Variants in VWA8 observed in about 807,000 individuals in gnomAD.
VWA8 encodes the protein von Willebrand factor A domain-containing protein 8.
VWA8 carries 221 observed loss-of-function variants against 241.5 expected under a neutral mutation model. That is an observed-to-expected ratio of 0.91 (90% CI 0.82 to 1.02). VWA8 has a LOEUF of 1.02. VWA8 is among the 50% of genes least tolerant of loss of function. The pLI, the probability that VWA8 is intolerant of heterozygous loss-of-function variation, is 0.00. For synonymous variants in VWA8, 852 were observed against 827.1 expected, an observed-to-expected ratio of 1.03 and a Z score of -0.52; for missense variants, 2,322 against 2,328.7, an observed-to-expected ratio of 1.00 and a Z score of 0.06.
intron 37 of VWA8, among the ~76,000 whole-genome samples, chr13:41,617,255 A>G (rs2044626952): frequency 6.6e-6 from 1 of 152,068 alleles, no homozygotes; most frequent in Non-Finnish European, 1.5e-5. Context: ...AGTAGCTGGG[A>G]TTACAGGCAC....
chr13:41,691,245 G>A, intron 32 of VWA8, 75 bp downstream of exon 32: 4 of 1,512,048 alleles, frequency 2.6e-6, no homozygotes, highest in Non-Finnish European at 3.6e-6. Flanking sequence ...AGACAGAACA[G>A]TAAAGATGTT....
intron 4 of VWA8, among the ~76,000 whole-genome samples, chr13:41,900,547 G>T (rs1461144434): frequency 6.6e-6 from 1 of 152,146 alleles, no homozygotes; most frequent in African/African-American, 2.4e-5. Context: ...AAGTATCTAA[G>T]TCCCTGTTCT....
Position 41,960,992 on chromosome 13 carries a change from G to A in VWA8, c.24C>T (p.Leu8=), listed in dbSNP as rs1235629067. The A allele has an allele frequency of 7.1e-6, 10 of 1,401,796 alleles. No homozygotes were observed. The African/African-American group carries it at 1.2e-4, about 17-fold the overall frequency. The allele number at this position is 1,401,796 out of a possible 1,614,324, so 86.8% of individuals were successfully genotyped here. Residue 8 remains leucine, a synonymous_variant, in exon 1 of 45, where the codon CTC becomes CTT. Coordinates refer to ENST00000379310, the MANE Select transcript of VWA8 (RefSeq NM_015058.2). MQSRLLL[L]GAPGGHGGPA... is the part of the protein sequence containing the mutation. ...GGCCGCCGTGGCCTCCGGGTGCCCCGAGGAGTAGAAGCCGGGATTGCATGG... is the reference window on the plus strand; with the variant it reads ...GGCCGCCGTGGCCTCCGGGTGCCCCAAGGAGTAGAAGCCGGGATTGCATGG...
At chr13:41,749,132 A>C (rs2045633720) in intron 21 of VWA8, among the ~76,000 whole-genome samples, 1 of 152,202 alleles carries the variant, frequency 6.6e-6, no homozygotes, top group Admixed American at 6.5e-5. Flanking sequence ...TAATATCCAG[A>C]ATCTACAAAG....
At chr13:41,762,318 A>C (rs1031943811) in intron 20 of VWA8, among the ~76,000 whole-genome samples, 1 of 152,090 alleles carries the variant, frequency 6.6e-6, no homozygotes. Flanking sequence ...CAGTCCCATG[A>C]GGTAGGCATT....
chr13:41,831,500 T>C lies in VWA8; in HGVS notation c.1587-858A>G, dbSNP rs1052040757. Among the ~76,000 whole-genome samples the C allele has an allele frequency of 2.0e-5, 3 of 152,112 alleles. No homozygotes were observed. The East Asian group carries it at 5.8e-4, about 29-fold the overall frequency. On this transcript the variant is annotated intron_variant, in intron 13 of 44. Transcript: ENST00000379310. ...GTAAAATGGATGCTTATAGCTGTTC[T>C]CAATCTTGACTGTACGTTAGAATCT...
At chr13:41,926,525 T>A (rs553826864) in intron 2 of VWA8, 2 of 537,956 alleles carry the variant, frequency 3.7e-6, no homozygotes, top group Admixed American at 3.9e-5. Flanking sequence ...CAAGCAGATT[T>A]ATGAAACTGG....
chr13:41,579,839 G>GTTGT (rs1222264565), intron 42 of VWA8, among the ~76,000 whole-genome samples: 1 of 152,014 alleles, frequency 6.6e-6, no homozygotes. Flanking sequence ...ATCCATTTTG[G>GTTGT]TTGTTTTTAT....
intron 1 of VWA8, 38 bp from the exon 2 acceptor site, chr13:41,950,051 A>G (rs1306054722): frequency 7.7e-7 from 1 of 1,304,690 alleles, no homozygotes; most frequent in Non-Finnish European, 1.1e-6. Context: ...ATTATAAGAG[A>G]CAAACGAGAA....
intron 42 of VWA8, among the ~76,000 whole-genome samples, chr13:41,581,904 G>A (rs2044385451): frequency 6.6e-6 from 1 of 152,074 alleles, no homozygotes; most frequent in Admixed American, 6.5e-5. Context: ...AAAGCATGAG[G>A]AACAAATTGG....
At chr13:41,771,294 T>C (rs2045821283) in intron 20 of VWA8, among the ~76,000 whole-genome samples, 1 of 152,166 alleles carries the variant, frequency 6.6e-6, no homozygotes, top group Non-Finnish European at 1.5e-5. Flanking sequence ...AGCTAATTTT[T>C]GTATTTTTAG....
chr13:41,795,249 A>C (rs2137953224), intron 17 of VWA8, among the ~76,000 whole-genome samples: 1 of 152,352 alleles, frequency 6.6e-6, no homozygotes, highest in East Asian at 1.9e-4. Flanking sequence ...ACAATGAGGT[A>C]CCATCTCATG....
intron 29 of VWA8, among the ~76,000 whole-genome samples, chr13:41,698,305 A>G (rs1213521484): frequency 6.6e-6 from 1 of 151,952 alleles, no homozygotes; most frequent in Non-Finnish European, 1.5e-5. Context: ...TACTAGATAG[A>G]TAATAGGTAT....
At chr13:41,587,223 A>G (rs1397094063) in intron 42 of VWA8, among the ~76,000 whole-genome samples, 2 of 152,164 alleles carry the variant, frequency 1.3e-5, no homozygotes, top group Non-Finnish European at 2.9e-5. Flanking sequence ...GGGAACTGGG[A>G]TAAGGCCAGG....
At chr13:41,877,767 A>T (rs1341144767) in intron 9 of VWA8, among the ~76,000 whole-genome samples, 1 of 152,122 alleles carries the variant, frequency 6.6e-6, no homozygotes, top group Non-Finnish European at 1.5e-5. Context: ...GCCTGGATGT[A>T]TTTGTTACTA....
At chr13:41,645,688 G>C (rs1380338739) in intron 37 of VWA8, among the ~76,000 whole-genome samples, 9 of 152,088 alleles carry the variant, frequency 5.9e-5, no homozygotes, top group Non-Finnish European at 1.3e-4. Context: ...GAGAGAAATG[G>C]ATACCTTAAA....
chr13:41,657,536 G>A (rs1321891687), intron 37 of VWA8, among the ~76,000 whole-genome samples: 1 of 141,518 alleles, frequency 7.1e-6, no homozygotes, highest in East Asian at 2.1e-4. Context: ...AGGCCGGACT[G>A]CGGACTGCAG....
Position 41,660,959 on chromosome 13 carries a change from G to T in VWA8, c.4611+9987C>A, listed in dbSNP as rs1019675493. Among the ~76,000 whole-genome samples the T allele has an allele frequency of 2.0e-5, 3 of 151,152 alleles. No individual in the cohort carries two copies. In the East Asian group the frequency reaches 5.9e-4, roughly 29 times the overall value. On this transcript the variant is annotated intron_variant, in intron 37 of 44. Transcript: ENST00000379310. Reference sequence around the variant, plus strand: ...CGGCTCACTGAAACCTCTGCATCCCGGGTTCAAGCGATTCTCCTGCTTCAG... The same window carrying T: ...CGGCTCACTGAAACCTCTGCATCCCTGGTTCAAGCGATTCTCCTGCTTCAG...
chr13:41,819,996 T>A (rs1870880601), intron 14 of VWA8, among the ~76,000 whole-genome samples: 1 of 152,198 alleles, frequency 6.6e-6, no homozygotes, highest in African/African-American at 2.4e-5. Context: ...TTTAAAGTGA[T>A]CTCTCTTAAA....
Sources: allele counts gnomAD v4.1 joint callset (sites outside exome capture counted in the v4.1 genomes callset), GRCh38; gene constraint gnomAD v4.1.1; transcripts MANE v1.5; gene names NCBI Gene and HGNC (gene_info 2026-07-23, HGNC 2026-07-21).